XKR7: variants seen among roughly 807,000 people sequenced by gnomAD.
The protein encoded by XKR7 is XK-related protein 7.
A neutral mutation model predicts 42.2 loss-of-function variants in XKR7; 11 were observed. The observed-to-expected ratio is 0.26, with a 90% confidence interval of 0.16 to 0.43. The LOEUF is 0.43. Ranked by LOEUF, XKR7 falls within the 20% of genes least tolerant of loss-of-function variation. The pLI is 1.00. For missense variants in XKR7, 710 were observed against 802.2 expected, an observed-to-expected ratio of 0.89 and a Z score of 1.39; for synonymous variants, 346 against 366.4, an observed-to-expected ratio of 0.94 and a Z score of 0.64.
At chr20:31,982,509 G>T (rs2064517969) in intron 1 of XKR7, among the ~76,000 whole-genome samples, 1 of 138,994 alleles carries the variant, frequency 7.2e-6, no homozygotes, top group Non-Finnish European at 1.5e-5. Flanking sequence ...GCGACAGAGA[G>T]ACTCTGTCTC....
intron 1 of XKR7, among the ~76,000 whole-genome samples, chr20:31,975,202 A>T (rs1286943522): frequency 6.6e-6 from 1 of 152,058 alleles, no homozygotes; most frequent in Non-Finnish European, 1.5e-5. Context: ...TCCCCTGGGA[A>T]ATCCTATCAG....
chr20:31,985,238 A>G (rs768558484), intron 1 of XKR7, among the ~76,000 whole-genome samples: 2 of 152,070 alleles, frequency 1.3e-5, no homozygotes, highest in Non-Finnish European at 2.9e-5. Flanking sequence ...CATTGAGACT[A>G]GGGAGCTAGC....
intron 1 of XKR7, among the ~76,000 whole-genome samples, chr20:31,972,163 A>G (rs1444584211): frequency 1.3e-5 from 2 of 152,080 alleles, no homozygotes; most frequent in Admixed American, 1.3e-4. Flanking sequence ...GACACTGCAC[A>G]CCTACCGTGT....
rs1176115784 is a variant in XKR7 at position 32,001,198 on chromosome 20, T to C, written c.*3741T>C. On this transcript the variant is annotated 3_prime_UTR_variant, in exon 3 of 3. Coordinates refer to ENST00000562532, the MANE Select transcript of XKR7 (RefSeq NM_001011718.2). ...TGGAGTCCACAGAAGCCTCAGACAA[T>C]AGGGAGAAGGTTTTCTGGGACGAAG... The C allele has an allele frequency of 1.3e-5, 2 of 152,074 alleles. No individual in the cohort carries two copies. Among genetic ancestry groups the C allele is most frequent in the African/African-American group, 2.4e-5 (1 of 41,400 alleles). The allele number at this position is 152,074 out of a possible 1,614,324, so 9.4% of individuals were successfully genotyped here.
chr20:31,995,415 T>G lies in XKR7; in HGVS notation c.787+145T>G. On this transcript the variant is annotated intron_variant, in intron 2 of 2. Transcript: ENST00000562532. This position sits in a 1 kb window ranked among gnomAD's most constrained non-coding sequence, Gnocchi z 4.1. ...AGGGTTTAGGGAGGCCTGCCCCTTC[T>G]ACCCTCACCACCCTCCAGGCCTCTC... is the stretch of plus-strand genomic sequence containing the variant. The G allele has an allele frequency of 4.5e-6, 6 of 1,346,748 alleles. No homozygotes were observed. The highest frequency in any genetic ancestry group is 6.0e-6 in the Non-Finnish European group (6 of 1,005,214). 83.4% of individuals were successfully genotyped at this position (1,346,748 alleles called of 1,614,324 possible).
rs1297806860 is a variant in XKR7, at chr20:32,002,501, G to C, written c.*5044G>C. The C allele has an allele frequency of 6.6e-6, 1 of 152,128 alleles. No homozygotes were observed. Among genetic ancestry groups the C allele is most frequent in the Admixed American group, 6.5e-5 (1 of 15,268 alleles). 9.4% of individuals were successfully genotyped at this position (152,128 alleles called of 1,614,324 possible). A position where few individuals can be genotyped will look rare whatever the true frequency, so the allele number is the denominator to read the frequency against. Reference sequence around the variant, plus strand: ...TTGTGCTAAACCACCGAACTTGGAGGAGCCTCATATAAACATAGCCCCCAG... The same window carrying C: ...TTGTGCTAAACCACCGAACTTGGAGCAGCCTCATATAAACATAGCCCCCAG... On this transcript the variant is annotated 3_prime_UTR_variant, in exon 3 of 3. Transcript: ENST00000562532.
At chr20:31,980,174 G>T (rs1262793078) in intron 1 of XKR7, among the ~76,000 whole-genome samples, 1 of 152,004 alleles carries the variant, frequency 6.6e-6, no homozygotes, top group Admixed American at 6.6e-5. Flanking sequence ...CTCTGTAGGG[G>T]GCTGCTAAGG....
At chr20:31,984,086 A>T (rs1166727771) in intron 1 of XKR7, among the ~76,000 whole-genome samples, 1 of 150,928 alleles carries the variant, frequency 6.6e-6, no homozygotes, top group African/African-American at 2.4e-5. Flanking sequence ...ACATGGTGAA[A>T]CCCTGTCTCT....
At position 31,998,042 on chromosome 20, in the gene XKR7, G is replaced by T. The variant is rs1031520548; in HGVS notation, c.*585G>T. On this transcript the variant is annotated 3_prime_UTR_variant, in exon 3 of 3. Coordinates refer to ENST00000562532, the MANE Select transcript of XKR7 (RefSeq NM_001011718.2). ...TTGGGGTGGGGCAGGGTGTTGGGGT[G>T]GGGGGCTGGCAGTGCTGGAGATGGA... 1 of 142,882 alleles carries T rather than the reference G, an allele frequency of 7.0e-6. No homozygotes were observed. The highest frequency in any genetic ancestry group is 2.6e-5 in the African/African-American group (1 of 38,726). 8.9% of individuals were successfully genotyped at this position (142,882 alleles called of 1,614,324 possible). A position where few individuals can be genotyped will look rare whatever the true frequency, so the allele number is the denominator to read the frequency against.
intron 1 of XKR7, among the ~76,000 whole-genome samples, chr20:31,972,345 C>T (rs1444418736): frequency 6.6e-6 from 1 of 152,216 alleles, no homozygotes; most frequent in Non-Finnish European, 1.5e-5. Flanking sequence ...CTATCTTTTA[C>T]ACCACACACT....
In XKR7 at chr20:31,987,191, G is replaced by A. The variant is rs1047105823; in HGVS notation, c.585-7877G>A. Among the ~76,000 whole-genome samples the A allele has an allele frequency of 5.7e-5, 8 of 139,294 alleles. No individual in the cohort carries two copies. The Admixed American group carries it at 6.2e-4, about 11-fold the overall frequency. The allele number at this position is 139,294 out of a possible 152,430, so 91.4% of individuals were successfully genotyped here. A position where few individuals can be genotyped will look rare whatever the true frequency, so the allele number is the denominator to read the frequency against. On this transcript the variant is annotated intron_variant, in intron 1 of 2. Coordinates refer to ENST00000562532, the MANE Select transcript of XKR7 (RefSeq NM_001011718.2). ...GACAACAGACCTCAAAGCGGGCCCA[G>A]TATCAAGACACAGACACACAGACCT...
In XKR7 at chr20:31,968,371, G is replaced by C. The variant is rs760361184; in HGVS notation, c.196G>C (p.Val66Leu). ...DCCWVLCALL[V>L]FFSDGATDLW... Reference sequence around the variant, plus strand: ...CTGCTGGGTGCTGTGCGCGCTGCTCGTGTTCTTCTCCGACGGTGCCACGGA... The same window carrying C: ...CTGCTGGGTGCTGTGCGCGCTGCTCCTGTTCTTCTCCGACGGTGCCACGGA... Residue 66 changes from valine to leucine, a missense_variant, in exon 1 of 3, where the codon GTG becomes CTG. By Grantham distance (32) the Val-to-Leu change is conservative. Coordinates refer to ENST00000562532, the MANE Select transcript of XKR7 (RefSeq NM_001011718.2). The surrounding 1 kb of genome is among the most constrained non-coding windows in gnomAD (Gnocchi z 4.5). 3.6e-5 allele frequency: 58 copies of C among 1,611,790 alleles called. No homozygotes were observed. Among genetic ancestry groups the C allele is most frequent in the Non-Finnish European group, 4.9e-5 (58 of 1,179,600 alleles).
At chr20:31,990,186 G>GTC (rs1407436453) in intron 1 of XKR7, among the ~76,000 whole-genome samples, 7 of 151,306 alleles carry the variant, frequency 4.6e-5, no homozygotes, top group African/African-American at 1.5e-4. Context: ...TTGCGTGTGT[G>GTC]TGTGTGTGTG....
At position 31,997,727 on chromosome 20, in the gene XKR7, C is replaced by G; in HGVS notation, c.*270C>G. ...TCTGGTGCTACACTTTTCGAGCTGC[C>G]CTGCTTTCATGGGGCCTCCACACCT... On this transcript the variant is annotated 3_prime_UTR_variant, in exon 3 of 3. Coordinates refer to ENST00000562532, the MANE Select transcript of XKR7 (RefSeq NM_001011718.2). 1 of 462,958 alleles carries G rather than the reference C, an allele frequency of 2.2e-6. No individual in the cohort carries two copies. The highest frequency in any genetic ancestry group is 3.9e-6 in the Non-Finnish European group (1 of 259,054). 28.7% of individuals were successfully genotyped at this position (462,958 alleles called of 1,614,324 possible).
In XKR7 at chr20:31,997,168, G is replaced by A. The variant is rs147437006; in HGVS notation, c.1451G>A (p.Arg484Gln). ...RSLPRTTGAE[R>Q]DGASAGERAG... ...CTGCCAAGGACTACAGGTGCTGAGC[G>A]GGATGGGGCCTCGGCGGGAGAGCGT... is the stretch of plus-strand genomic sequence containing the variant. The change falls in exon 3 of 3, where the codon CGG becomes CAG. Residue 484 changes from arginine to glutamine, a missense_variant. By Grantham distance (43) the Arg-to-Gln change is conservative. Coordinates refer to ENST00000562532, the MANE Select transcript of XKR7 (RefSeq NM_001011718.2). 16 of 1,610,880 alleles carry A rather than the reference G, an allele frequency of 9.9e-6. No individual in the cohort carries two copies. In the South Asian group the frequency reaches 1.1e-4, roughly 11 times the overall value.
At chr20:31,974,377 C>G (rs1446629119) in intron 1 of XKR7, among the ~76,000 whole-genome samples, 2 of 152,118 alleles carry the variant, frequency 1.3e-5, no homozygotes, top group African/African-American at 2.4e-5. Context: ...CTTTGGTCCT[C>G]AGTCTCTCCA....
chr20:31,969,090 ACCACAGGGCCCTATTCTGCCATAAC>A (rs2064452093), intron 1 of XKR7, among the ~76,000 whole-genome samples: 1 of 151,978 alleles, frequency 6.6e-6, no homozygotes, highest in African/African-American at 2.4e-5. Context: ...TTAAAACAGG[ACCACAGGGCCCTATTCTGCCATAAC>A]CCACTCCTCT....
chr20:31,982,968 A>G (rs2064520480), intron 1 of XKR7, among the ~76,000 whole-genome samples: 1 of 152,182 alleles, frequency 6.6e-6, no homozygotes, highest in South Asian at 2.1e-4. Flanking sequence ...CACCCTGTAA[A>G]TGGGTATTGG....
chr20:31,997,334 T>C lies in XKR7; in HGVS notation c.1617T>C (p.Phe539=). The change falls in exon 3 of 3, where the codon TTT becomes TTC. Residue 539 remains phenylalanine, a synonymous_variant. Transcript: ENST00000562532. The part of the protein sequence containing the change: ...RKKYPAWDAH[F]IDRRLRKTIL... ...AGTACCCGGCCTGGGATGCTCATTT[T>C]ATTGACCGCCGGCTCCGGAAGACCA... is the stretch of plus-strand genomic sequence containing the variant. The C allele has an allele frequency of 6.2e-7, 1 of 1,608,432 alleles. No homozygotes were observed. The highest frequency in any genetic ancestry group is 8.5e-7 in the Non-Finnish European group (1 of 1,179,972).
Sources: allele counts gnomAD v4.1 joint callset (sites outside exome capture counted in the v4.1 genomes callset), GRCh38; gene constraint gnomAD v4.1.1; non-coding constraint Gnocchi (gnomAD v3.1); transcripts MANE v1.5; gene names NCBI Gene and HGNC (gene_info 2026-07-23, HGNC 2026-07-21).